RYR1: variants seen among roughly 807,000 people sequenced by gnomAD.
RYR1 encodes central core disease of muscle.
RYR1 carries 342 observed loss-of-function variants against 583.5 expected under a neutral mutation model. That is an observed-to-expected ratio of 0.59 (90% CI 0.54 to 0.64). The LOEUF is 0.64. Among genes scored for constraint, RYR1 ranks in the 30% least tolerant of loss-of-function variants. RYR1 has a pLI of 0.00. For missense variants in RYR1, 6,032 were observed against 6,917.2 expected, an observed-to-expected ratio of 0.87 and a Z score of 4.54; for synonymous variants, 2,791 against 2,822.5, an observed-to-expected ratio of 0.99 and a Z score of 0.35.
At chr19:38,505,722 G>A in intron 53 of RYR1, 84 bp from the exon 54 acceptor site, 6 of 1,555,904 alleles carry the variant, frequency 3.9e-6, no homozygotes, top group South Asian at 1.1e-5. Context: ...CTAGCCACAT[G>A]GTCAGGGTTT....
intron 11 of RYR1, among the ~76,000 whole-genome samples, chr19:38,450,438 C>T (rs967765023): frequency 6.6e-5 from 10 of 152,104 alleles, no homozygotes; most frequent in African/African-American, 2.4e-4. Context: ...TGTGGTCTCA[C>T]AGCCACAGAG....
chr19:38,535,562 G>C (rs1971929010), intron 81 of RYR1, 170 bp downstream of exon 81: 18 of 686,174 alleles, frequency 2.6e-5, no homozygotes, highest in South Asian at 2.5e-4. Context: ...AGAACAATAA[G>C]GGAGGCAAAA....
At chr19:38,556,556 C>T (rs1256092950) in intron 89 of RYR1, among the ~76,000 whole-genome samples, 2 of 151,732 alleles carry the variant, frequency 1.3e-5, no homozygotes, top group African/African-American at 2.4e-5. Flanking sequence ...TGGAATCAAT[C>T]CTGTTTATTT....
Position 38,433,754 on chromosome 19 carries a change from C to CCAGCCCTCCCGCCCAGCCCG in RYR1, c.-69_-50dup. ...AGAGGTCTCCGACCCCAGCCCGCCC[C>CCAGCCCTCCCGCCCAGCCCG]CAGCCCTCCCGCCCAGCCCGCAGCC... On this transcript the variant is annotated 5_prime_UTR_variant, in exon 1 of 106. Coordinates refer to ENST00000359596, the MANE Select transcript of RYR1 (RefSeq NM_000540.3). The CCAGCCCTCCCGCCCAGCCCG allele has an allele frequency of 2.8e-6, 2 of 714,144 alleles. 1 individual carries two copies. Among genetic ancestry groups the CCAGCCCTCCCGCCCAGCCCG allele is most frequent in the South Asian group, 2.9e-5 (2 of 69,182 alleles). The allele number at this position is 714,144 out of a possible 1,614,324, so 44.2% of individuals were successfully genotyped here. A position where few individuals can be genotyped will look rare whatever the true frequency, so the allele number is the denominator to read the frequency against.
rs886038319 is a variant in RYR1 at position 38,565,786 on chromosome 19, G to T, written c.13437+15G>T. ...GGAAATTGGGGGTGAGAGAGCAGGCGGGGTTTTGGGGTTTTGGAAAGATGG... is the reference window on the plus strand; with the variant it reads ...GGAAATTGGGGGTGAGAGAGCAGGCTGGGTTTTGGGGTTTTGGAAAGATGG... On this transcript the variant is annotated intron_variant, in intron 91 of 105. Coordinates refer to ENST00000359596, the MANE Select transcript of RYR1 (RefSeq NM_000540.3). The surrounding 1 kb of genome is among the most constrained non-coding windows in gnomAD (Gnocchi z 4.7). 7.2e-7 allele frequency: 1 copy of T among 1,381,548 alleles called. No homozygotes were observed. The highest frequency in any genetic ancestry group is 3.6e-5 in the Admixed American group (1 of 27,686). The allele number at this position is 1,381,548 out of a possible 1,614,324, so 85.6% of individuals were successfully genotyped here. A position where few individuals can be genotyped will look rare whatever the true frequency, so the allele number is the denominator to read the frequency against.
intron 49 of RYR1, 106 bp from the exon 50 acceptor site, chr19:38,504,108 CCTCCTT>C (rs1211006630): frequency 1.7e-6 from 1 of 574,670 alleles, no homozygotes; most frequent in East Asian, 5.9e-5. Flanking sequence ...ATAACCCACA[CCTCCTT>C]CATAATTTAA....
intron 22 of RYR1, among the ~76,000 whole-genome samples, 154 bp downstream of exon 22, chr19:38,464,004 C>T (rs994476266): frequency 6.6e-5 from 10 of 151,844 alleles, no homozygotes; most frequent in Non-Finnish European, 1.3e-4. Context: ...TGGCCGGGCA[C>T]GGTGGCTCAC....
Position 38,488,398 on chromosome 19 carries a change from C to T in RYR1, c.5548-779C>T, listed in dbSNP as rs189747750. Among the ~76,000 whole-genome samples, 160 of 152,244 alleles carry T rather than the reference C, an allele frequency of 1.1e-3. No homozygotes were observed. In the Middle Eastern group the frequency reaches 0.037, roughly 36 times the overall value. Reference sequence around the variant, plus strand: ...TCCGACTCGGGATTCATCCAGCCAGCCATCCAATCCTCCCTCCATTCATCC... The same window carrying T: ...TCCGACTCGGGATTCATCCAGCCAGTCATCCAATCCTCCCTCCATTCATCC... On this transcript the variant is annotated intron_variant, in intron 34 of 105. Transcript: ENST00000359596.
At chr19:38,531,300 C>G (rs542086060) in intron 76 of RYR1, among the ~76,000 whole-genome samples, 2 of 151,832 alleles carry the variant, frequency 1.3e-5, no homozygotes, top group Non-Finnish European at 2.9e-5. Context: ...AAGTTGAGTC[C>G]CAGCGCAAGC....
At position 38,464,691 on chromosome 19, in the gene RYR1, G is replaced by A. The variant is rs1268551950; in HGVS notation, c.2839G>A (p.Asp947Asn). ...GGGCATGGCGGATGAGAAGGCGGAG[G>A]ACAACCTGAAGAAGACAAAACTCCC... ...HVGMADEKAEDNLKKTKLPKT... is the reference protein window; with the variant it reads ...HVGMADEKAENNLKKTKLPKT... Residue 947 changes from aspartate (D) to asparagine (N), a missense_variant, in exon 23 of 106, where the codon GAC (aspartate) becomes AAC (asparagine). Physicochemically the swap from Asp to Asn is conservative, Grantham distance 23. Transcript: ENST00000359596. 6.3e-7 allele frequency: 1 copy of A among 1,592,392 alleles called. No individual in the cohort carries two copies. Among genetic ancestry groups the A allele is most frequent in the Admixed American group, 1.8e-5 (1 of 56,420 alleles).
Position 38,459,142 on chromosome 19 carries a change from G to GC in RYR1, c.2168-3dup, listed in dbSNP as rs1555770306. On this transcript the variant is annotated splice_region_variant and splice_polypyrimidine_tract_variant and intron_variant, in intron 18 of 105. Transcript: ENST00000359596. ...GTCTGACCCATCTCTGGTGACTGAT[G>GC]CAGGACACGTGGCACGCCCAGTGAC... 1 of 1,612,740 alleles carries GC rather than the reference G, an allele frequency of 6.2e-7. No homozygotes were observed. Among genetic ancestry groups the GC allele is most frequent in the African/African-American group, 1.3e-5 (1 of 74,996 alleles).
Position 38,500,558 on chromosome 19 carries a change from G to A in RYR1, c.7324-48G>A. ...GAGGGAGCAGAGCAGTCACTGAGTG[G>A]GGCACCAGCGCCTGATGAGTGCCCC... On this transcript the variant is annotated intron_variant, in intron 45 of 105. Transcript: ENST00000359596. This position sits in a 1 kb window ranked among gnomAD's most constrained non-coding sequence, Gnocchi z 5.9. 1 of 1,610,624 alleles carries A rather than the reference G, an allele frequency of 6.2e-7. No individual in the cohort carries two copies. The highest frequency in any genetic ancestry group is 1.1e-5 in the South Asian group (1 of 90,942).
At position 38,485,858 on chromosome 19, in the gene RYR1, G is replaced by T; in HGVS notation, c.5203G>T (p.Val1735Leu). The change falls in exon 34 of 106, where the codon GTG becomes TTG. Residue 1735 changes from valine (V) to leucine (L), a missense_variant. By Grantham distance (32) the Val-to-Leu change is conservative. Coordinates refer to ENST00000359596, the MANE Select transcript of RYR1 (RefSeq NM_000540.3). ...SRRSMLSEYIVPLTPETRAIT... is the reference protein window; with the variant it reads ...SRRSMLSEYILPLTPETRAIT... ...CCGCTCCATGCTCTCTGAATACATC[G>T]TGCCCCTCACGCCTGAGACCCGCGC... 6.2e-7 allele frequency: 1 copy of T among 1,613,672 alleles called. No homozygotes were observed. The highest frequency in any genetic ancestry group is 1.1e-5 in the South Asian group (1 of 91,082).
In RYR1 at chr19:38,512,411, G is replaced by T; in HGVS notation, c.9400G>T (p.Val3134Leu). 1 of 1,613,930 alleles carries T rather than the reference G, an allele frequency of 6.2e-7. No homozygotes were observed. ...GGGCCAGAACCTCACCTACACCACT[G>T]TGGCACTGCTGCCGGTCCTCACCAC... ...GVGQNLTYTT[V>L]ALLPVLTTLF... Residue 3134 changes from valine (V) to leucine (L), a missense_variant, in exon 63 of 106, where the codon GTG becomes TTG. Around this residue, in one of 11 missense-constraint regions of RYR1, gnomAD observed 1,493 missense variants for 1,715.5 expected, o/e 0.87. Transcript: ENST00000359596. This position sits in a 1 kb window ranked among gnomAD's most constrained non-coding sequence, Gnocchi z 5.1.
Position 38,463,422 on chromosome 19 carries a change from G to T in RYR1, c.2578-1G>T. The stretch of plus-strand genomic sequence containing the variant: ...TCTCAAGAACGTCCCTCTGCCTCTA[G>T]ATTGTCCTGCCGCCCCATCTGGAGC... On this transcript the variant is annotated splice_acceptor_variant, in intron 20 of 105. Coordinates refer to ENST00000359596, the MANE Select transcript of RYR1 (RefSeq NM_000540.3). LOFTEE classifies it high-confidence loss of function. The T allele has an allele frequency of 6.2e-7, 1 of 1,613,802 alleles. No individual in the cohort carries two copies.
In RYR1 at chr19:38,506,315, C is replaced by T. The variant is rs886054396; in HGVS notation, c.8554C>T (p.Arg2852Ter). The T allele has an allele frequency of 2.5e-6, 4 of 1,613,688 alleles. No individual in the cohort carries two copies. Among genetic ancestry groups the T allele is most frequent in the Admixed American group, 1.7e-5 (1 of 59,954 alleles). ...ISQSAQTYDPREGYNPQPPDL... is the reference protein window; with the variant it reads ...ISQSAQTYDP ...CTTGTCCTCTCAGACCTATGATCCT[C>T]GAGAAGGCTACAACCCTCAGCCCCC... is the stretch of plus-strand genomic sequence containing the variant. The change falls in exon 55 of 106, where the codon CGA becomes TGA. Residue 2852 changes from arginine (R) to a stop codon, truncating the protein, a stop_gained. Coordinates refer to ENST00000359596, the MANE Select transcript of RYR1 (RefSeq NM_000540.3). LOFTEE classifies it high-confidence loss of function.
intron 13 of RYR1, among the ~76,000 whole-genome samples, chr19:38,455,029 A>C (rs983131064): frequency 1.3e-5 from 2 of 152,140 alleles, no homozygotes; most frequent in Non-Finnish European, 2.9e-5. Flanking sequence ...GGATAGAGTC[A>C]GAGAGGACAA....
rs1489650951 is a variant in RYR1 at position 38,483,658 on chromosome 19, C to G, written c.4934+142C>G. The G allele has an allele frequency of 8.2e-6, 6 of 732,178 alleles. No individual in the cohort carries two copies. The highest frequency in any genetic ancestry group is 1.4e-5 in the Non-Finnish European group (6 of 437,858). 45.4% of individuals were successfully genotyped at this position (732,178 alleles called of 1,614,324 possible). A position where few individuals can be genotyped will look rare whatever the true frequency, so the allele number is the denominator to read the frequency against. ...ATCTCCAGACCTACCTCAGGGGACTCGGGCTCAGCTCAGACATCCCCAGAT... is the reference window on the plus strand; with the variant it reads ...ATCTCCAGACCTACCTCAGGGGACTGGGGCTCAGCTCAGACATCCCCAGAT... On this transcript the variant is annotated intron_variant, in intron 33 of 105. Coordinates refer to ENST00000359596, the MANE Select transcript of RYR1 (RefSeq NM_000540.3). This position sits in a 1 kb window ranked among gnomAD's most constrained non-coding sequence, Gnocchi z 6.3.
At position 38,523,316 on chromosome 19, in the gene RYR1, G is replaced by T; in HGVS notation, c.10440+7G>T. On this transcript the variant is annotated splice_region_variant and intron_variant, in intron 69 of 105. Transcript: ENST00000359596. ...CAAAAGCAAAATGGCTAAGGTCGGG[G>T]CTTGGTTCTGGGAGGAGCACTTGGC... is the stretch of plus-strand genomic sequence containing the variant. 2 of 1,614,160 alleles carry T rather than the reference G, an allele frequency of 1.2e-6. No individual in the cohort carries two copies. Among genetic ancestry groups the T allele is most frequent in the Non-Finnish European group, 1.7e-6 (2 of 1,180,034 alleles).
Sources: gnomAD v4.1 joint callset for allele counts (sites outside exome capture counted in the v4.1 genomes callset) on GRCh38, gnomAD v4.1.1 for gene constraint, gnomAD v4.1.1 regional missense constraint, Gnocchi (gnomAD v3.1) non-coding constraint, MANE v1.5 for transcripts, NCBI Gene and HGNC (gene_info 2026-07-23, HGNC 2026-07-21) for gene names.